COL21A1: variants seen among roughly 807,000 people sequenced by gnomAD.
COL21A1 encodes collagen alpha-1(XXI) chain.
COL21A1 carries 149 observed loss-of-function variants against 137.9 expected under a neutral mutation model. The ratio of observed to expected loss-of-function variants is 1.08; its 90% CI spans 0.95 to 1.24. The LOEUF is 1.24. COL21A1 is among the 50% of genes most tolerant of loss of function. COL21A1 has a pLI of 0.00. For missense variants in COL21A1, 1,167 were observed against 1,158.4 expected (o/e 1.01, Z -0.11); for synonymous variants, 456 against 391.5 (o/e 1.16, Z -1.95).
At chr6:56,235,589 T>G (rs1781848800) in intron 1 of COL21A1, among the ~76,000 whole-genome samples, 1 of 151,898 alleles carries the variant, frequency 6.6e-6, no homozygotes. Context: ...AGTTCAAAAA[T>G]GAAAATGAAT....
intron 16 of COL21A1, among the ~76,000 whole-genome samples, chr6:56,122,540 A>T (rs1003507342): frequency 3.3e-5 from 5 of 152,140 alleles, no homozygotes; most frequent in South Asian, 4.1e-4. Context: ...ATGTTCTAAA[A>T]ATTGACTCTA....
intron 17 of COL21A1, among the ~76,000 whole-genome samples, chr6:56,095,841 G>GA (rs1323289069): frequency 6.6e-6 from 1 of 151,878 alleles, no homozygotes; most frequent in Non-Finnish European, 1.5e-5. Flanking sequence ...TCATAATATT[G>GA]GTTTTTTTGT....
intron 9 of COL21A1, among the ~76,000 whole-genome samples, chr6:56,157,551 T>C (rs1013018050): frequency 6.6e-6 from 1 of 152,182 alleles, no homozygotes; most frequent in African/African-American, 2.4e-5. Flanking sequence ...CTTCAAGTGA[T>C]CTGTCTGCCT....
At chr6:56,306,467 T>C (rs1054900400) in intron 1 of COL21A1, among the ~76,000 whole-genome samples, 4 of 152,208 alleles carry the variant, frequency 2.6e-5, no homozygotes, top group African/African-American at 9.6e-5. Flanking sequence ...TCTTCTTGCT[T>C]CATTTCATTC....
intron 1 of COL21A1, among the ~76,000 whole-genome samples, chr6:56,213,944 C>G (rs566630924): frequency 6.6e-6 from 1 of 151,622 alleles, no homozygotes; most frequent in Non-Finnish European, 1.5e-5. Context: ...GGAGGGTGAC[C>G]CAAGTATTTA....
intron 12 of COL21A1, among the ~76,000 whole-genome samples, chr6:56,128,142 T>A (rs2152216885): frequency 6.6e-6 from 1 of 152,272 alleles, no homozygotes; most frequent in South Asian, 2.1e-4. Flanking sequence ...ACTGTCAGAA[T>A]CTAAGATCCA....
chr6:56,126,972 G>C (rs978539850), intron 12 of COL21A1, among the ~76,000 whole-genome samples: 1 of 152,110 alleles, frequency 6.6e-6, no homozygotes, highest in Non-Finnish European at 1.5e-5. Flanking sequence ...GATTTAAAGA[G>C]TGATATATTT....
chr6:56,161,319 G>A (rs1216615841), intron 9 of COL21A1, among the ~76,000 whole-genome samples: 1 of 152,200 alleles, frequency 6.6e-6, no homozygotes, highest in Non-Finnish European at 1.5e-5. Context: ...TAGAGCAAAT[G>A]TAGGAGTTTG....
chr6:56,139,843 T>C (rs1774283820), intron 12 of COL21A1, among the ~76,000 whole-genome samples: 1 of 152,024 alleles, frequency 6.6e-6, no homozygotes, highest in Non-Finnish European at 1.5e-5. Context: ...CTGAGGACAA[T>C]GGGAAAGTGA....
chr6:56,279,562 G>A (rs113016799), intron 1 of COL21A1, among the ~76,000 whole-genome samples: 3 of 152,124 alleles, frequency 2.0e-5, no homozygotes, highest in African/African-American at 7.2e-5. Flanking sequence ...CATTCCAATT[G>A]TCAGATTTGA....
At chr6:56,247,947 C>A (rs963902297), upstream of COL21A1, among the ~76,000 whole-genome samples, 2 of 152,218 alleles carry the variant, frequency 1.3e-5, no homozygotes, top group Non-Finnish European at 2.9e-5. Flanking sequence ...AGAAGAACCC[C>A]CCTCTGGGGC....
At chr6:56,301,897 C>T (rs2152337506) in intron 1 of COL21A1, among the ~76,000 whole-genome samples, 1 of 151,798 alleles carries the variant, frequency 6.6e-6, no homozygotes, top group South Asian at 2.1e-4. Context: ...GTGATGTTCC[C>T]CTTCCTGTGT....
intron 20 of COL21A1, among the ~76,000 whole-genome samples, chr6:56,071,632 CAT>C (rs1224439009): frequency 6.6e-6 from 1 of 151,512 alleles, no homozygotes; most frequent in Non-Finnish European, 1.5e-5. Context: ...TGGTAAGAAA[CAT>C]GTGAAGATCA....
chr6:56,273,559 A>G (rs1039487487), intron 1 of COL21A1, among the ~76,000 whole-genome samples: 1 of 152,226 alleles, frequency 6.6e-6, no homozygotes, highest in East Asian at 1.9e-4. Context: ...CTGATCACAC[A>G]TAAATACAAA....
chr6:56,148,338 CAGAGAGAGAG>C (rs150898619), intron 10 of COL21A1, among the ~76,000 whole-genome samples: 6 of 133,176 alleles, frequency 4.5e-5, no homozygotes, highest in South Asian at 2.5e-4. Context: ...AGACAAGAGA[CAGAGAGAGAG>C]AGAGAGAGAG....
At chr6:56,169,377 G>T (rs1291395690) in intron 5 of COL21A1, among the ~76,000 whole-genome samples, 1 of 151,848 alleles carries the variant, frequency 6.6e-6, no homozygotes. Flanking sequence ...ATTATTTATG[G>T]ACAGAAGAAG....
In COL21A1 at chr6:56,107,805, G is replaced by A. The variant is rs148213763; in HGVS notation, c.1759-6280C>T. Among the ~76,000 whole-genome samples, 193 of 152,214 alleles carry A rather than the reference G, an allele frequency of 1.3e-3. 1 individual carries two copies. Among genetic ancestry groups the A allele is most frequent in the African/African-American group, 4.3e-3 (178 of 41,566 alleles). On this transcript the variant is annotated intron_variant, in intron 16 of 29. Coordinates refer to ENST00000244728, the MANE Select transcript of COL21A1 (RefSeq NM_030820.4). ...ACCTTTATTAAACCCAAATGTGACC[G>A]TGGAATATTGGTAAAGGTGCTGGTG...
At chr6:56,337,571 A>G (rs1449089002) in intron 1 of COL21A1, among the ~76,000 whole-genome samples, 2 of 152,210 alleles carry the variant, frequency 1.3e-5, no homozygotes, top group Non-Finnish European at 2.9e-5. Context: ...CCCTGGCCAT[A>G]TTGAGGCCCA....
At chr6:56,189,114 G>A (rs1341862184) in intron 1 of COL21A1, among the ~76,000 whole-genome samples, 1 of 152,058 alleles carries the variant, frequency 6.6e-6, no homozygotes, top group Non-Finnish European at 1.5e-5. Context: ...CGCAGAGAAT[G>A]AATTTGACGA....
Sources: allele counts gnomAD v4.1 joint callset (sites outside exome capture counted in the v4.1 genomes callset), GRCh38; gene constraint gnomAD v4.1.1; transcripts MANE v1.5; gene names NCBI Gene and HGNC (gene_info 2026-07-23, HGNC 2026-07-21).